Variants in RGS17 observed in about 807,000 individuals in gnomAD.
The protein encoded by RGS17 is regulator of G-protein signaling 17.
Under a neutral mutation model 25.5 loss-of-function variants are expected in RGS17, and 12 were observed. That is an observed-to-expected ratio of 0.47 (90% CI 0.30 to 0.76). The LOEUF (loss-of-function observed/expected upper bound fraction) is 0.76, where lower values mean the gene tolerates loss of function less well. Ranked by LOEUF, RGS17 falls within the 30% of genes least tolerant of loss-of-function variation. The pLI, the probability that RGS17 is intolerant of heterozygous loss-of-function variation, is 0.07. For missense variants in RGS17, 196 were observed against 242.2 expected, an observed-to-expected ratio of 0.81 and a Z score of 1.27; for synonymous variants, 71 against 76.9, an observed-to-expected ratio of 0.92 and a Z score of 0.40.
chr6:153,075,509 G>T (rs1160045634), intron 1 of RGS17, among the ~76,000 whole-genome samples: 1 of 152,116 alleles, frequency 6.6e-6, no homozygotes, highest in Non-Finnish European at 1.5e-5. Flanking sequence ...AAGAGCTCTT[G>T]AACTGCCTAG....
intron 1 of RGS17, among the ~76,000 whole-genome samples, chr6:153,093,256 T>C (rs536286523): frequency 6.6e-6 from 1 of 152,324 alleles, no homozygotes; most frequent in South Asian, 2.1e-4. Flanking sequence ...ACAATGGCTC[T>C]TTTTATGGTG....
At chr6:153,116,984 T>TG (rs1469867438) in intron 1 of RGS17, among the ~76,000 whole-genome samples, 1 of 152,056 alleles carries the variant, frequency 6.6e-6, no homozygotes, top group African/African-American at 2.4e-5. Context: ...GATAAGGGGT[T>TG]GATGGGTGCC....
intron 1 of RGS17, among the ~76,000 whole-genome samples, chr6:153,066,108 T>C (rs1267093243): frequency 3.3e-5 from 5 of 152,146 alleles, no homozygotes; most frequent in African/African-American, 1.2e-4. Context: ...TTACAGCTGA[T>C]GCCGCAAACA....
chr6:153,106,180 A>G (rs1034068480), intron 1 of RGS17, among the ~76,000 whole-genome samples: 1 of 152,012 alleles, frequency 6.6e-6, no homozygotes, highest in Non-Finnish European at 1.5e-5. Flanking sequence ...TATGAGAAGG[A>G]AAGGGGTTAC....
At chr6:153,025,687 CATATATATAAAAACAT>C (rs1243195126) in intron 3 of RGS17, among the ~76,000 whole-genome samples, 5 of 126,120 alleles carry the variant, frequency 4.0e-5, no homozygotes, top group Admixed American at 2.4e-4. Context: ...TATATATAAA[CATATATATAAAAACAT>C]ATATATATAA....
chr6:153,053,062 A>G (rs9397127), intron 1 of RGS17, among the ~76,000 whole-genome samples: 58,592 of 152,036 alleles, frequency 0.39, 11,983 homozygotes, highest in East Asian at 0.62. Flanking sequence ...GTGAGAAATA[A>G]ATTTCTGTTG....
chr6:153,043,718 A>G (rs1776350444), intron 2 of RGS17, among the ~76,000 whole-genome samples, 182 bp downstream of exon 2: 1 of 152,168 alleles, frequency 6.6e-6, no homozygotes, highest in Non-Finnish European at 1.5e-5. Context: ...GGGAAATATT[A>G]TATATTTTGT....
intron 1 of RGS17, 42 bp downstream of exon 1, chr6:153,131,082 G>A (rs1276628228): frequency 3.9e-5 from 6 of 151,994 alleles, no homozygotes; most frequent in African/African-American, 1.4e-4. Context: ...ACATTTTGAT[G>A]TCATTTACTT....
intron 1 of RGS17, among the ~76,000 whole-genome samples, chr6:153,076,381 A>C (rs941295421): frequency 6.6e-6 from 1 of 152,196 alleles, no homozygotes; most frequent in South Asian, 2.1e-4. Context: ...GTAATATTGC[A>C]ACTGAATTAG....
chr6:153,027,610 G>A (rs974625739), intron 2 of RGS17, among the ~76,000 whole-genome samples: 3 of 152,138 alleles, frequency 2.0e-5, no homozygotes, highest in African/African-American at 7.2e-5. Flanking sequence ...CCTGTTATGT[G>A]CTGGGCACCA....
chr6:153,119,352 C>G (rs1777589381), intron 1 of RGS17, among the ~76,000 whole-genome samples: 1 of 152,126 alleles, frequency 6.6e-6, no homozygotes, highest in Non-Finnish European at 1.5e-5. Context: ...ATTAAACTTG[C>G]TACCTTTCAA....
intron 1 of RGS17, among the ~76,000 whole-genome samples, chr6:153,110,525 C>A (rs1317863101): frequency 2.0e-5 from 3 of 151,920 alleles, no homozygotes; most frequent in Non-Finnish European, 4.4e-5. Context: ...TGACTAATGA[C>A]TCTTAGAAAG....
rs559861375 is a variant in RGS17 at position 153,089,665 on chromosome 6, C to T, written c.-26+41459G>A. Among the ~76,000 whole-genome samples, 6 of 152,050 alleles carry T rather than the reference C, an allele frequency of 3.9e-5. No individual in the cohort carries two copies. In the South Asian group the frequency reaches 1.2e-3, roughly 31 times the overall value. On this transcript the variant is annotated intron_variant, in intron 1 of 4. Coordinates refer to ENST00000206262, the MANE Select transcript of RGS17 (RefSeq NM_012419.5). ...TAACCACATTCATGATCTGTTTGGA[C>T]TTAGTTTTTCTCTGCTATCACTGCA...
intron 1 of RGS17, among the ~76,000 whole-genome samples, chr6:153,076,982 A>G (rs200625259): frequency 0.14 from 20,784 of 152,134 alleles, 1,686 homozygotes; most frequent in Admixed American, 0.2. Flanking sequence ...TTATAAGGGA[A>G]AAAAATGTAC....
At chr6:153,048,776 C>A (rs1776418131) in intron 1 of RGS17, among the ~76,000 whole-genome samples, 1 of 152,206 alleles carries the variant, frequency 6.6e-6, no homozygotes, top group Non-Finnish European at 1.5e-5. Flanking sequence ...AACTCCCTCA[C>A]CTCATCCCCA....
chr6:153,074,117 G>T (rs1017214804), intron 1 of RGS17, among the ~76,000 whole-genome samples: 5 of 152,142 alleles, frequency 3.3e-5, no homozygotes, highest in African/African-American at 1.2e-4. Context: ...AAACAAGATT[G>T]TTTTCAGCGT....
chr6:153,004,623 A>G lies in RGS17; in HGVS notation c.*6951T>C, dbSNP rs1779053872. ...AACCTATAGTTCGAGACTTCTGAAT[A>G]TTTTTACATTACTGTCATGCTCAAA... On this transcript the variant is annotated 3_prime_UTR_variant, in exon 5 of 5. Coordinates refer to ENST00000206262, the MANE Select transcript of RGS17 (RefSeq NM_012419.5). 6.6e-6 allele frequency: 1 copy of G among 152,166 alleles called. No individual in the cohort carries two copies. Among genetic ancestry groups the G allele is most frequent in the Non-Finnish European group, 1.5e-5 (1 of 68,002 alleles). The allele number at this position is 152,166 out of a possible 1,614,324, so 9.4% of individuals were successfully genotyped here. A position where few individuals can be genotyped will look rare whatever the true frequency, so the allele number is the denominator to read the frequency against.
Position 153,115,596 on chromosome 6 carries a change from A to C in RGS17, c.-26+15528T>G, listed in dbSNP as rs564974199. ...CTACTTTAAATTTCATATGGAACCA[A>C]AAAAGAGCCCGTATAGCCAAGACAA... On this transcript the variant is annotated intron_variant, in intron 1 of 4. Transcript: ENST00000206262. 4.6e-5 allele frequency among the ~76,000 whole-genome samples: 7 copies of C among 152,302 alleles called. No individual in the cohort carries two copies. The East Asian group carries it at 7.7e-4, about 17-fold the overall frequency.
chr6:153,043,305 T>C (rs1416789424), intron 2 of RGS17, among the ~76,000 whole-genome samples: 1 of 152,186 alleles, frequency 6.6e-6, no homozygotes, highest in Non-Finnish European at 1.5e-5. Flanking sequence ...GATTTTTCAA[T>C]GAACTGAGTT....
Sources: gnomAD v4.1 joint callset for allele counts (sites outside exome capture counted in the v4.1 genomes callset) on GRCh38, gnomAD v4.1.1 for gene constraint, MANE v1.5 for transcripts, NCBI Gene and HGNC (gene_info 2026-07-23, HGNC 2026-07-21) for gene names.